RNF213: variants seen among roughly 807,000 people sequenced by gnomAD.
RNF213 encodes ring finger protein 213, also known as E3 ubiquitin-protein ligase RNF213.
A neutral mutation model predicts 514.4 loss-of-function variants in RNF213; 341 were observed. The ratio of observed to expected loss-of-function variants is 0.66; its 90% CI spans 0.61 to 0.73. The LOEUF is 0.73. RNF213 is among the 30% of genes least tolerant of loss of function. The pLI is 0.00. For missense variants in RNF213, 5,767 were observed against 6,615.6 expected (o/e 0.87, Z 4.45); for synonymous variants, 2,655 against 2,658.2 (o/e 1.00, Z 0.04).
In RNF213 at chr17:80,263,584, T is replaced by C. The variant is rs2043500601; in HGVS notation, c.-98T>C. The stretch of plus-strand genomic sequence containing the variant: ...ATTTCACTTTCGCAGAAAATGAAAC[T>C]GAAGCCGTGGTCACGTGACAGGACA... On this transcript the variant is annotated 5_prime_UTR_variant, in exon 2 of 68. Transcript: ENST00000582970. The surrounding 1 kb of genome is among the most constrained non-coding windows in gnomAD (Gnocchi z 4.9). 3.0e-6 allele frequency: 3 copies of C among 1,003,620 alleles called. No homozygotes were observed. Among genetic ancestry groups the C allele is most frequent in the East Asian group, 2.4e-5 (1 of 41,854 alleles). The allele number at this position is 1,003,620 out of a possible 1,614,324, so 62.2% of individuals were successfully genotyped here. A position where few individuals can be genotyped will look rare whatever the true frequency, so the allele number is the denominator to read the frequency against.
Position 80,353,398 on chromosome 17 carries a change from G to A in RNF213, c.10424-114G>A. ...ATCTGGGGACCTAGCACCACAGCAG[G>A]GGCCGGGGAAGCCTGCACTCGGAGG... On this transcript the variant is annotated intron_variant, in intron 33 of 67. Coordinates refer to ENST00000582970, the MANE Select transcript of RNF213 (RefSeq NM_001256071.3). This position sits in a 1 kb window ranked among gnomAD's most constrained non-coding sequence, Gnocchi z 5.0. The A allele has an allele frequency of 3.3e-6, 4 of 1,226,532 alleles. No individual in the cohort carries two copies. The South Asian group carries it at 3.9e-5, about 12-fold the overall frequency. 76.0% of individuals were successfully genotyped at this position (1,226,532 alleles called of 1,614,324 possible).
chr17:80,328,132 T>C, intron 19 of RNF213, 143 bp downstream of exon 19: 1 of 1,161,644 alleles, frequency 8.6e-7, no homozygotes. Flanking sequence ...CATAAGTTGA[T>C]AGGGGTGGTT....
chr17:80,390,889 C>CT (rs2080440968), intron 67 of RNF213, among the ~76,000 whole-genome samples: 1 of 151,906 alleles, frequency 6.6e-6, no homozygotes, highest in Non-Finnish European at 1.5e-5. Flanking sequence ...TGGTGAAACT[C>CT]TGTTTCTACT....
At position 80,383,004 on chromosome 17, in the gene RNF213, G is replaced by C; in HGVS notation, c.14004G>C (p.Leu4668Phe). 3 of 1,613,832 alleles carry C rather than the reference G, an allele frequency of 1.9e-6. No homozygotes were observed. The highest frequency in any genetic ancestry group is 2.5e-6 in the Non-Finnish European group (3 of 1,179,808). Residue 4668 changes from leucine (L) to phenylalanine (F), a missense_variant, in exon 58 of 68, where the codon TTG becomes TTC. Leu to Phe is a conservative substitution (Grantham distance 22). Coordinates refer to ENST00000582970, the MANE Select transcript of RNF213 (RefSeq NM_001256071.3). ...GGCTTTTAAATTTTGACACAGAATT[G>C]TCAACTAAAGAAATGAGGAACAACT... ...SRRLLNFDTE[L>F]STKEMRNNWE...
In RNF213 at chr17:80,328,455, G is replaced by A. The variant is rs765529563; in HGVS notation, c.3495G>A (p.Gly1165=). 8 of 1,537,220 alleles carry A rather than the reference G, an allele frequency of 5.2e-6. No individual in the cohort carries two copies. Among genetic ancestry groups the A allele is most frequent in the South Asian group, 1.2e-5 (1 of 84,052 alleles). ...TTGATAGTCTCCTGAAGATGTGTGG[G>A]AACGTGAAACATCTGATACAAGGTG... The part of the protein sequence containing the change: ...RCVDSLLKMC[G]NVKHLIQVDF... The change falls in exon 20 of 68, where the codon GGG becomes GGA. Residue 1165 remains glycine, a synonymous_variant. Coordinates refer to ENST00000582970, the MANE Select transcript of RNF213 (RefSeq NM_001256071.3).
Position 80,327,896 on chromosome 17 carries a change from G to A in RNF213, c.3274G>A (p.Val1092Ile). 6.5e-7 allele frequency: 1 copy of A among 1,537,260 alleles called. No individual in the cohort carries two copies. The highest frequency in any genetic ancestry group is 8.7e-7 in the Non-Finnish European group (1 of 1,146,910). Residue 1092 changes from valine (V) to isoleucine (I), a missense_variant, in exon 19 of 68, where the codon GTT becomes ATT. Val to Ile is a conservative substitution (Grantham distance 29, BLOSUM62 3). This residue lies in a region of RNF213 where 516 missense variants were observed against 566.5 expected (regional missense o/e 0.91). Coordinates refer to ENST00000582970, the MANE Select transcript of RNF213 (RefSeq NM_001256071.3). ...IAVADSVLTKVVGDLLSGTIL... is the reference protein window; with the variant it reads ...IAVADSVLTKIVGDLLSGTIL... ...TGTTGCCGACTCTGTGTTGACGAAA[G>A]TTGTTGGTGACCTCCTAAGTGGCAC...
intron 10 of RNF213, among the ~76,000 whole-genome samples, chr17:80,296,738 C>T (rs2044964452): frequency 6.6e-6 from 1 of 152,122 alleles, no homozygotes; most frequent in Non-Finnish European, 1.5e-5. Context: ...GTCTGGAGTG[C>T]AGTGGAGCAA....
rs770799233 is a variant in RNF213 at position 80,383,852 on chromosome 17, T to G, written c.14246T>G (p.Val4749Gly). 1.9e-6 allele frequency: 3 copies of G among 1,614,166 alleles called. No individual in the cohort carries two copies. Among genetic ancestry groups the G allele is most frequent in the Non-Finnish European group, 2.5e-6 (3 of 1,180,036 alleles). The change falls in exon 59 of 68, where the codon GTT becomes GGT. Residue 4749 changes from valine (V) to glycine (G), a missense_variant. Val to Gly is a moderately radical substitution (Grantham distance 109). Transcript: ENST00000582970. ...KIWSCRKRIT[V>G]EYLQHIVEQK... is the part of the protein sequence containing the mutation. Reference sequence around the variant, plus strand: ...TGGAGCTGCAGGAAAAGAATTACAGTTGAGTACCTCCAGCACATTGTGGAA... The same window carrying G: ...TGGAGCTGCAGGAAAAGAATTACAGGTGAGTACCTCCAGCACATTGTGGAA...
rs528914813 is a variant in RNF213, at chr17:80,261,228, G to A, written c.-109+326G>A. Among the ~76,000 whole-genome samples, 10 of 152,306 alleles carry A rather than the reference G, an allele frequency of 6.6e-5. No homozygotes were observed. In the East Asian group the frequency reaches 1.9e-3, roughly 29 times the overall value. On this transcript the variant is annotated intron_variant, in intron 1 of 67. Transcript: ENST00000582970. ...GCAGTGCTGCCCCCGGGAAGTGGCC[G>A]GGGCACGGGGGGTGTAGTGGAAGGG...
intron 2 of RNF213, among the ~76,000 whole-genome samples, chr17:80,268,206 G>T (rs2043673516): frequency 6.6e-6 from 1 of 151,872 alleles, no homozygotes; most frequent in South Asian, 2.1e-4. Flanking sequence ...GATAGTTGGT[G>T]GATTCCATAT....
chr17:80,291,232 T>C (rs1169926566), intron 7 of RNF213, among the ~76,000 whole-genome samples: 1 of 152,066 alleles, frequency 6.6e-6, no homozygotes, highest in African/African-American at 2.4e-5. Context: ...CCTTTTTCTT[T>C]TTAAAAGTAT....
intron 42 of RNF213, 151 bp from the exon 43 acceptor site, chr17:80,367,597 G>A: frequency 3.0e-6 from 2 of 657,358 alleles, no homozygotes; most frequent in Non-Finnish European, 5.5e-6. Context: ...CAGAGTTCAA[G>A]CGTTAAACAC....
intron 52 of RNF213, 40 bp from the exon 53 acceptor site, chr17:80,376,842 C>G (rs1303906812): frequency 9.6e-6 from 15 of 1,564,494 alleles, no homozygotes; most frequent in Non-Finnish European, 1.2e-5. Flanking sequence ...AGGTGACAAG[C>G]TCACTTATCT....
Position 80,386,981 on chromosome 17 carries a change from AC to A in RNF213, c.14922+92del, listed in dbSNP as rs1271603628. 2.3e-4 allele frequency: 285 copies of A among 1,258,654 alleles called. 1 individual carries two copies. The South Asian group carries it at 2.7e-3, about 12-fold the overall frequency. 78.0% of individuals were successfully genotyped at this position (1,258,654 alleles called of 1,614,324 possible). On this transcript the variant is annotated intron_variant, in intron 63 of 67. Transcript: ENST00000582970. Reference sequence around the variant, plus strand: ...GTGTTTCTCGAGAGAGGGAAGCAGCACCTCACCCTGCAGTCTGGTCTGTATC... The same window carrying A: ...GTGTTTCTCGAGAGAGGGAAGCAGCACTCACCCTGCAGTCTGGTCTGTATC...
chr17:80,289,929 G>C, intron 6 of RNF213, 92 bp downstream of exon 6: 1 of 1,377,526 alleles, frequency 7.3e-7, no homozygotes, highest in South Asian at 1.3e-5. Context: ...TATCCAGGCT[G>C]CCCTTCTAGT....
intron 2 of RNF213, among the ~76,000 whole-genome samples, chr17:80,268,634 TCCG>T (rs2043693491): frequency 9.4e-6 from 1 of 106,372 alleles, no homozygotes; most frequent in Admixed American, 9.3e-5. Context: ...CATCCATCCA[TCCG>T]TTTATCTGTC....
Position 80,385,075 on chromosome 17 carries a change from A to AT in RNF213, c.14363dup (p.Leu4788PhefsTer18). 6.2e-7 allele frequency: 1 copy of AT among 1,614,118 alleles called. No homozygotes were observed. ...GAGGCTGGTAAAGTTCCTGCCTGAG[A>AT]TTTTGGCCTTGCAAAGGGATCTAGT... On this transcript the variant is annotated frameshift_variant, in exon 60 of 68. Transcript: ENST00000582970. LOFTEE classifies it high-confidence loss of function.
rs1415591702 is a variant in RNF213 at position 80,352,830 on chromosome 17, C to G, written c.10304-110C>G. 39 of 1,533,128 alleles carry G rather than the reference C, an allele frequency of 2.5e-5. No individual in the cohort carries two copies. In the East Asian group the frequency reaches 8.3e-4, roughly 33 times the overall value. 95.0% of individuals were successfully genotyped at this position (1,533,128 alleles called of 1,614,324 possible). On this transcript the variant is annotated intron_variant, in intron 32 of 67. Transcript: ENST00000582970. The stretch of plus-strand genomic sequence containing the variant: ...TTTCGGCTTCAGGGTGCCAGTCATT[C>G]ATTGCGCAGCAAGATAATGACAAGC...
chr17:80,377,170 T>G lies in RNF213; in HGVS notation c.13510+207T>G, dbSNP rs1247588628. ...GCTAGATGATCCAAACCATTTCATTTCTTTGTCGTGTGGAAAAGGCCCTCT... is the reference window on the plus strand; with the variant it reads ...GCTAGATGATCCAAACCATTTCATTGCTTTGTCGTGTGGAAAAGGCCCTCT... On this transcript the variant is annotated intron_variant, in intron 53 of 67. Transcript: ENST00000582970. The surrounding 1 kb of genome is among the most constrained non-coding windows in gnomAD (Gnocchi z 4.1). The G allele has an allele frequency of 3.4e-6, 2 of 590,746 alleles. No individual in the cohort carries two copies. The highest frequency in any genetic ancestry group is 3.7e-5 in the African/African-American group (2 of 53,848). The allele number at this position is 590,746 out of a possible 1,614,324, so 36.6% of individuals were successfully genotyped here. A position where few individuals can be genotyped will look rare whatever the true frequency, so the allele number is the denominator to read the frequency against.
Sources: allele counts gnomAD v4.1 joint callset (sites outside exome capture counted in the v4.1 genomes callset), GRCh38; gene constraint gnomAD v4.1.1; regional missense constraint gnomAD v4.1.1; non-coding constraint Gnocchi (gnomAD v3.1); transcripts MANE v1.5; gene names NCBI Gene and HGNC (gene_info 2026-07-23, HGNC 2026-07-21).